Variants in SMAD1 observed in about 807,000 individuals in gnomAD.
SMAD1 encodes MAD, mothers against decapentaplegic homolog 1.
In SMAD1, 6 loss-of-function variants were observed where a neutral mutation model predicts 41.6. The ratio of observed to expected loss-of-function variants is 0.14; its 90% CI spans 0.08 to 0.28. The LOEUF (loss-of-function observed/expected upper bound fraction) is 0.28, where lower values mean the gene tolerates loss of function less well. SMAD1 is among the 10% of genes least tolerant of loss of function. The probability of loss-of-function intolerance (pLI) is 1.00; values close to 1 mark genes in which losing one functional copy is unlikely to be tolerated. For missense variants in SMAD1, 379 were observed against 582.6 expected, an observed-to-expected ratio of 0.65 and a Z score of 3.60; for synonymous variants, 206 against 203.2, an observed-to-expected ratio of 1.01 and a Z score of -0.12.
At chr4:145,537,956 C>G (rs1227620855) in intron 2 of SMAD1, among the ~76,000 whole-genome samples, 2 of 152,126 alleles carry the variant, frequency 1.3e-5, no homozygotes, top group African/African-American at 4.8e-5. Flanking sequence ...TTAATGGACT[C>G]TGTGCGTGTG....
Position 145,558,897 on chromosome 4 carries a change from G to A in SMAD1, c.*963G>A, listed in dbSNP as rs1038368428. ...CTTGAATTTAATAAGCAGTTTTTAC[G>A]GAGTTTACAGTACAGAAATAGGCTT... On this transcript the variant is annotated 3_prime_UTR_variant, in exon 7 of 7. Transcript: ENST00000302085. 1.3e-5 allele frequency among the ~76,000 whole-genome samples: 2 copies of A among 152,036 alleles called. No individual in the cohort carries two copies. The highest frequency in any genetic ancestry group is 2.1e-4 in the South Asian group (1 of 4,820).
chr4:145,557,931 T>G lies in SMAD1; in HGVS notation c.1395T>G (p.Ser465=). Residue 465 remains serine, a synonymous_variant, in exon 7 of 7, where the codon TCT becomes TCG. Coordinates refer to ENST00000302085, the MANE Select transcript of SMAD1 (RefSeq NM_005900.3). ...CTCATAATCCTATTTCATCTGTATC[T>G]TAAATGGCCCCAGGCATCTGCCTCT... The part of the protein sequence containing the change: ...GSPHNPISSV[S] 6.2e-7 allele frequency: 1 copy of G among 1,602,486 alleles called. No homozygotes were observed. The highest frequency in any genetic ancestry group is 8.5e-7 in the Non-Finnish European group (1 of 1,173,202).
rs1326346499 is a variant in SMAD1, at chr4:145,482,267, G to A, written c.-177+229G>A. 6.7e-6 allele frequency among the ~76,000 whole-genome samples: 1 copy of A among 149,588 alleles called. No individual in the cohort carries two copies. Among genetic ancestry groups the A allele is most frequent in the Non-Finnish European group, 1.5e-5 (1 of 67,194 alleles). On this transcript the variant is annotated intron_variant, in intron 1 of 6. Transcript: ENST00000302085. The surrounding 1 kb of genome is among the most constrained non-coding windows in gnomAD (Gnocchi z 4.2). The stretch of plus-strand genomic sequence containing the variant: ...GCGCCTCCCGTCTGCTCGGAGGAGC[G>A]AACCTGCTACCACGTCTTCTCGCGC...
rs192748360 is a variant in SMAD1, at chr4:145,506,957, C to T, written c.-176-7481C>T. Among the ~76,000 whole-genome samples the T allele has an allele frequency of 2.9e-3, 439 of 152,196 alleles. 1 individual carries two copies. The highest frequency in any genetic ancestry group is 1.0e-2 in the African/African-American group (415 of 41,534). On this transcript the variant is annotated intron_variant, in intron 1 of 6. Coordinates refer to ENST00000302085, the MANE Select transcript of SMAD1 (RefSeq NM_005900.3). ...AAGTTGGAAAATTAATTAGCCGTGT[C>T]GAGTAGTATAAGAGTATTTTTCTAA...
At chr4:145,483,800 G>C (rs982985209) in intron 1 of SMAD1, among the ~76,000 whole-genome samples, 1 of 152,088 alleles carries the variant, frequency 6.6e-6, no homozygotes, top group Non-Finnish European at 1.5e-5. Flanking sequence ...CTGAGGGTAG[G>C]GATTTGTCCT....
At position 145,542,645 on chromosome 4, in the gene SMAD1, C is replaced by A. The variant is rs768015552; in HGVS notation, c.722C>A (p.Pro241Gln). The change falls in exon 4 of 7, where the codon CCG becomes CAG. Residue 241 changes from proline (P) to glutamine (Q), a missense_variant. Pro to Gln is a moderately conservative substitution (Grantham distance 76, BLOSUM62 -1). Around this residue, in one of 3 missense-constraint regions of SMAD1, gnomAD observed 208 missense variants for 210.5 expected, o/e 0.99. Transcript: ENST00000302085. ...EDPMTQDGSQ[P>Q]MDTNMMAPPL... is the part of the protein sequence containing the mutation. ...CCCATGACCCAGGATGGCTCTCAGC[C>A]GATGGACACAAACATGATGGCGCCT... 1.2e-6 allele frequency: 2 copies of A among 1,613,662 alleles called. No individual in the cohort carries two copies. The highest frequency in any genetic ancestry group is 2.2e-5 in the East Asian group (1 of 44,844).
At position 145,546,712 on chromosome 4, in the gene SMAD1, C is replaced by T. The variant is rs1321891857; in HGVS notation, c.785C>T (p.Ala262Val). The change falls in exon 5 of 7, where the codon GCG (alanine) becomes GTG (valine). Residue 262 changes from alanine (A) to valine (V), a missense_variant. Around this residue, in one of 3 missense-constraint regions of SMAD1, gnomAD observed 208 missense variants for 210.5 expected, o/e 0.99. Coordinates refer to ENST00000302085, the MANE Select transcript of SMAD1 (RefSeq NM_005900.3). ...ATTTTCTTTCCTCTAGATGTTCAGGCGGTTGCTTATGAGGAACCAAAACAC... is the reference window on the plus strand; with the variant it reads ...ATTTTCTTTCCTCTAGATGTTCAGGTGGTTGCTTATGAGGAACCAAAACAC... ...PSEINRGDVQ[A>V]VAYEEPKHWC... 2.5e-6 allele frequency: 4 copies of T among 1,611,366 alleles called. No individual in the cohort carries two copies. The highest frequency in any genetic ancestry group is 1.3e-5 in the African/African-American group (1 of 74,840).
Position 145,514,490 on chromosome 4 carries a change from T to C in SMAD1, c.-124T>C, listed in dbSNP as rs1730264266. 1 of 920,488 alleles carries C rather than the reference T, an allele frequency of 1.1e-6. No homozygotes were observed. Among genetic ancestry groups the C allele is most frequent in the Non-Finnish European group, 1.6e-6 (1 of 622,198 alleles). 57.0% of individuals were successfully genotyped at this position (920,488 alleles called of 1,614,324 possible). A position where few individuals can be genotyped will look rare whatever the true frequency, so the allele number is the denominator to read the frequency against. On this transcript the variant is annotated 5_prime_UTR_variant, in exon 2 of 7. Coordinates refer to ENST00000302085, the MANE Select transcript of SMAD1 (RefSeq NM_005900.3). This position sits in a 1 kb window ranked among gnomAD's most constrained non-coding sequence, Gnocchi z 4.7. ...CTAGGAATGGTAATTTCTACTCTTC[T>C]GGACTTCAAACTAAGAAGTTAAAGA...
intron 1 of SMAD1, among the ~76,000 whole-genome samples, chr4:145,489,750 A>T (rs1351688194): frequency 6.6e-6 from 1 of 152,224 alleles, no homozygotes; most frequent in African/African-American, 2.4e-5. Flanking sequence ...AGGACTTGAA[A>T]GCTTTACGTT....
chr4:145,557,702 A>G, intron 6 of SMAD1, 89 bp from the exon 7 acceptor site: 2 of 998,922 alleles, frequency 2.0e-6, no homozygotes, highest in Non-Finnish European at 2.9e-6. Flanking sequence ...AGCTTTAATC[A>G]GAGTCTTTGG....
intron 2 of SMAD1, among the ~76,000 whole-genome samples, chr4:145,529,272 C>T (rs1220723441): frequency 1.3e-5 from 2 of 151,706 alleles, no homozygotes; most frequent in African/African-American, 2.4e-5. Context: ...TTTTTTTCTA[C>T]CTCTAACAAC....
intron 2 of SMAD1, among the ~76,000 whole-genome samples, chr4:145,528,697 A>G (rs1731165734): frequency 6.6e-6 from 1 of 152,202 alleles, no homozygotes; most frequent in Non-Finnish European, 1.5e-5. Context: ...TTACATATCA[A>G]TCGTGCAATA....
In SMAD1 at chr4:145,542,589, G is replaced by T; in HGVS notation, c.666G>T (p.Thr222=). ...PGSPFQMPAD[T]PPPAYLPPED... ...TCTTTAAAAACTTTGTAGCTGATAC[G>T]CCCCCACCTGCTTACCTGCCTCCTG... Residue 222 remains threonine (T), a synonymous_variant, in exon 4 of 7, where the codon ACG becomes ACT. Coordinates refer to ENST00000302085, the MANE Select transcript of SMAD1 (RefSeq NM_005900.3). 2 of 1,603,652 alleles carry T rather than the reference G, an allele frequency of 1.2e-6. No homozygotes were observed. Among genetic ancestry groups the T allele is most frequent in the Non-Finnish European group, 1.7e-6 (2 of 1,174,858 alleles).
At chr4:145,538,974 A>G (rs539557023) in intron 2 of SMAD1, among the ~76,000 whole-genome samples, 19 of 151,720 alleles carry the variant, frequency 1.3e-4, no homozygotes, top group African/African-American at 4.6e-4. Flanking sequence ...CCAATTATTA[A>G]CTCCTTAGCT....
chr4:145,540,844 C>G (rs1383040829), intron 3 of SMAD1, among the ~76,000 whole-genome samples: 1 of 151,540 alleles, frequency 6.6e-6, no homozygotes, highest in Non-Finnish European at 1.5e-5. Flanking sequence ...GGGAAAATGA[C>G]TGGGCAAGTG....
At chr4:145,500,549 C>T (rs1729371206) in intron 1 of SMAD1, among the ~76,000 whole-genome samples, 1 of 152,124 alleles carries the variant, frequency 6.6e-6, no homozygotes, top group African/African-American at 2.4e-5. Flanking sequence ...ATACCACATT[C>T]ACGACGAGGC....
intron 1 of SMAD1, among the ~76,000 whole-genome samples, chr4:145,489,241 A>G (rs1016560422): frequency 2.0e-5 from 3 of 152,182 alleles, no homozygotes; most frequent in Non-Finnish European, 4.4e-5. Flanking sequence ...GGAGCCTAGT[A>G]TGGTGGTGTG....
chr4:145,498,631 T>C (rs184202184), intron 1 of SMAD1, among the ~76,000 whole-genome samples: 2 of 152,368 alleles, frequency 1.3e-5, no homozygotes, highest in African/African-American at 4.8e-5. Context: ...TCATTTATTT[T>C]TTTCTAGGCC....
chr4:145,531,253 T>G (rs1731305043), intron 2 of SMAD1, among the ~76,000 whole-genome samples: 1 of 152,246 alleles, frequency 6.6e-6, no homozygotes, highest in Non-Finnish European at 1.5e-5. Context: ...ATGTGTATAC[T>G]ATTAATTTTA....
Sources: allele counts gnomAD v4.1 joint callset (sites outside exome capture counted in the v4.1 genomes callset), GRCh38; gene constraint gnomAD v4.1.1; regional missense constraint gnomAD v4.1.1; non-coding constraint Gnocchi (gnomAD v3.1); transcripts MANE v1.5; gene names NCBI Gene and HGNC (gene_info 2026-07-23, HGNC 2026-07-21).